The following CACNB4 variants were observed in gnomAD, a reference collection of about 807,000 sequenced individuals.
CACNB4 encodes the protein calcium voltage-gated channel auxiliary subunit beta 4.
A neutral mutation model predicts 71.2 loss-of-function variants in CACNB4; 32 were observed. The observed-to-expected ratio is 0.45, with a 90% CI of 0.34 to 0.60. The LOEUF (loss-of-function observed/expected upper bound fraction) is 0.60. CACNB4 is among the 20% of genes least tolerant of loss of function. The probability of loss-of-function intolerance (pLI) is 0.01; values close to 1 mark genes in which losing one functional copy is unlikely to be tolerated. For synonymous variants in CACNB4, 231 were observed against 236.9 expected (o/e 0.97, Z 0.23); for missense variants, 464 against 647.9 (o/e 0.72, Z 3.08).
intron 2 of CACNB4, among the ~76,000 whole-genome samples, chr2:151,916,411 A>G (rs1055274329): frequency 6.6e-6 from 1 of 152,240 alleles, no homozygotes; most frequent in Non-Finnish European, 1.5e-5. Flanking sequence ...CTGTATTTAC[A>G]TAAACACTTG....
In CACNB4 at chr2:152,075,059, C is replaced by A. The variant is rs115360512; in HGVS notation, c.147+23271G>T. ...ACCGATACATATTATGGCCACCACC[C>A]TGCTTGAAAAGAAGAGCTACAGTGA... On this transcript the variant is annotated intron_variant, in intron 2 of 13. Coordinates refer to ENST00000539935, the MANE Select transcript of CACNB4 (RefSeq NM_000726.5). Among the ~76,000 whole-genome samples, 1,321 of 152,298 alleles carry A rather than the reference C, an allele frequency of 8.7e-3. 24 individuals are homozygous for A. The highest frequency in any genetic ancestry group is 0.03 in the African/African-American group (1,262 of 41,540).
At chr2:152,027,274 C>T (rs1018282496) in intron 2 of CACNB4, among the ~76,000 whole-genome samples, 1 of 152,210 alleles carries the variant, frequency 6.6e-6, no homozygotes, top group Non-Finnish European at 1.5e-5. Context: ...CTGGCCACTC[C>T]TTCATCTCCT....
At chr2:152,074,251 C>T (rs1429376817) in intron 2 of CACNB4, among the ~76,000 whole-genome samples, 1 of 151,794 alleles carries the variant, frequency 6.6e-6, no homozygotes, top group Admixed American at 6.6e-5. Flanking sequence ...CAGCACCCCC[C>T]CATTTATACC....
intron 11 of CACNB4, chr2:151,853,917 T>A (rs9646794): frequency 0.1 from 15,605 of 156,658 alleles, 867 homozygotes; most frequent in African/African-American, 0.14. Context: ...ACTATCTCCA[T>A]GTCAGATAAA....
chr2:151,870,603 G>A lies in CACNB4; in HGVS notation c.627C>T (p.His209=). ...ACGGTACAACATCGTAAGGAGGAAT[G>A]TGCTCCGTCTGAAAAAGATGATTCG... ...TAKQKQKVTE[H]IPPYDVVPSM... is the part of the protein sequence containing the mutation. The change falls in exon 8 of 14, where the codon CAC becomes CAT. Residue 209 remains histidine, a synonymous_variant. Coordinates refer to ENST00000539935, the MANE Select transcript of CACNB4 (RefSeq NM_000726.5). 6.2e-7 allele frequency: 1 copy of A among 1,613,394 alleles called. No individual in the cohort carries two copies. The highest frequency in any genetic ancestry group is 8.5e-7 in the Non-Finnish European group (1 of 1,179,542).
At chr2:151,888,936 C>T (rs2099850054) in intron 2 of CACNB4, among the ~76,000 whole-genome samples, 1 of 152,186 alleles carries the variant, frequency 6.6e-6, no homozygotes, top group Non-Finnish European at 1.5e-5. Context: ...ATATGGCAGC[C>T]ACAAGCCACA....
intron 11 of CACNB4, chr2:151,854,234 T>C (rs1353460093): frequency 6.6e-6 from 1 of 152,306 alleles, no homozygotes; most frequent in African/African-American, 2.4e-5. Flanking sequence ...CACAGTGTCA[T>C]GGGCAGTGGG....
chr2:151,941,622 A>G (rs1223737041), intron 2 of CACNB4, among the ~76,000 whole-genome samples: 4 of 152,102 alleles, frequency 2.6e-5, no homozygotes, highest in Non-Finnish European at 5.9e-5. Context: ...AAAGAATTGT[A>G]AGACTAGCAT....
At chr2:152,054,349 A>G (rs1486155176) in intron 2 of CACNB4, among the ~76,000 whole-genome samples, 1 of 146,488 alleles carries the variant, frequency 6.8e-6, no homozygotes, top group African/African-American at 2.5e-5. Flanking sequence ...CTGGGCGACA[A>G]AGCAAAACTC....
intron 2 of CACNB4, among the ~76,000 whole-genome samples, chr2:151,900,580 G>C (rs2099853116): frequency 6.6e-6 from 1 of 152,202 alleles, no homozygotes; most frequent in Non-Finnish European, 1.5e-5. Context: ...AATAAATGCA[G>C]ATCACAGCAA....
chr2:152,012,769 T>C lies in CACNB4; in HGVS notation c.147+85561A>G, dbSNP rs571302030. ...TAAAGTTTATAAAGTAAAAAAGTTA[T>C]ACTAAGCTAAGGTTGATTTATTATT... On this transcript the variant is annotated intron_variant, in intron 2 of 13. Transcript: ENST00000539935. Among the ~76,000 whole-genome samples the C allele has an allele frequency of 3.3e-5, 5 of 152,276 alleles. No homozygotes were observed. In the East Asian group the frequency reaches 9.6e-4, roughly 29 times the overall value.
rs770887552 is a variant in CACNB4 at position 151,860,823 on chromosome 2, A to G, written c.759-3T>C. ...CTGTCACTCTCGTTATTGAAATCCT[A>G]TGAATAGGAACACAGAACAGAACAA... On this transcript the variant is annotated splice_region_variant and splice_polypyrimidine_tract_variant and intron_variant, in intron 9 of 13. Transcript: ENST00000539935. 4.4e-6 allele frequency: 7 copies of G among 1,581,122 alleles called. No homozygotes were observed. Among genetic ancestry groups the G allele is most frequent in the Middle Eastern group, 3.4e-4 (2 of 5,968 alleles).
chr2:151,870,813 A>G lies in CACNB4; in HGVS notation c.618+29T>C, dbSNP rs954005395. On this transcript the variant is annotated intron_variant, in intron 7 of 13. Transcript: ENST00000539935. The stretch of plus-strand genomic sequence containing the variant: ...GGCATGTATATATAGGAACCTTAAC[A>G]GTAGATTTAAAAAGGAAACACAACT... 15 of 1,577,246 alleles carry G rather than the reference A, an allele frequency of 9.5e-6. No individual in the cohort carries two copies. In the African/African-American group the frequency reaches 1.6e-4, roughly 17 times the overall value.
chr2:151,927,152 T>C (rs1050298902), intron 2 of CACNB4, among the ~76,000 whole-genome samples: 1 of 151,836 alleles, frequency 6.6e-6, no homozygotes. Flanking sequence ...AAGGCAGAAA[T>C]GGATAGGAGA....
intron 2 of CACNB4, among the ~76,000 whole-genome samples, chr2:152,097,450 C>A (rs1688336051): frequency 6.6e-6 from 1 of 152,158 alleles, no homozygotes; most frequent in African/African-American, 2.4e-5. Flanking sequence ...TCACCCGAAA[C>A]CTAGGACACA....
chr2:152,018,496 A>G (rs113106897), intron 2 of CACNB4, among the ~76,000 whole-genome samples: 2 of 152,248 alleles, frequency 1.3e-5, no homozygotes, highest in South Asian at 4.1e-4. Context: ...GATTTTGCAG[A>G]CTATTTTCAA....
At chr2:152,001,362 AACC>A (rs1682394623) in intron 2 of CACNB4, among the ~76,000 whole-genome samples, 1 of 151,774 alleles carries the variant, frequency 6.6e-6, no homozygotes, top group Non-Finnish European at 1.5e-5. Flanking sequence ...ACCTGAATAA[AACC>A]ACCATCTGGC....
chr2:151,872,322 A>T, intron 6 of CACNB4, 95 bp downstream of exon 6: 2 of 720,616 alleles, frequency 2.8e-6, no homozygotes, highest in Non-Finnish European at 4.9e-6. Flanking sequence ...TAAGCCTTCA[A>T]ATTGTTTCCA....
chr2:152,075,463 C>G (rs1242270634), intron 2 of CACNB4, among the ~76,000 whole-genome samples: 1 of 152,194 alleles, frequency 6.6e-6, no homozygotes, highest in African/African-American at 2.4e-5. Flanking sequence ...TGTACAGAGG[C>G]TGTGACATAT....
Sources: gnomAD v4.1 joint callset for allele counts (sites outside exome capture counted in the v4.1 genomes callset) on GRCh38, gnomAD v4.1.1 for gene constraint, MANE v1.5 for transcripts, NCBI Gene and HGNC (gene_info 2026-07-23, HGNC 2026-07-21) for gene names.